ZNF722: variants seen among roughly 807,000 people sequenced by gnomAD.
The protein encoded by ZNF722 is zinc finger protein 722, also known as zinc finger protein 479 pseudogene.
the ZNF722 span, among the ~76,000 whole-genome samples, chr7:64,009,373 G>A: frequency 9.9e-5 from 15 of 152,284 alleles, no homozygotes; most frequent in Non-Finnish European, 1.9e-4. Context: ...GATACTTTCT[G>A]TGGGTTTGTC....
the ZNF722 span, chr7:64,015,721 A>C: frequency 6.2e-7 from 1 of 1,613,858 alleles, no homozygotes; most frequent in Non-Finnish European, 8.5e-7. Context: ...AAGAGAATTC[A>C]TACTGGAGAG....
the ZNF722 span, among the ~76,000 whole-genome samples, chr7:64,000,233 C>T: frequency 2.0e-5 from 3 of 150,412 alleles, no homozygotes; most frequent in Non-Finnish European, 3.0e-5. Flanking sequence ...CATGTTCATG[C>T]GATTCTCCTG....
the ZNF722 span, among the ~76,000 whole-genome samples, chr7:64,007,230 G>GTGTGTATA: frequency 8.7e-5 from 12 of 138,502 alleles, no homozygotes; most frequent in South Asian, 2.2e-4. Flanking sequence ...GTTTGTGTGT[G>GTGTGTATA]TATATATATA....
At chr7:64,016,045 G>T in the ZNF722 span, 2 of 710,840 alleles carry the variant, frequency 2.8e-6, no homozygotes, top group Non-Finnish European at 2.2e-6. Context: ...GAAAATAAGA[G>T]AATCCATATT....
At chr7:64,001,292 T>C in the ZNF722 span, among the ~76,000 whole-genome samples, 2 of 152,202 alleles carry the variant, frequency 1.3e-5, no homozygotes, top group South Asian at 2.1e-4. Context: ...CTCTTATCTG[T>C]GTCCACGTGT....
the ZNF722 span, chr7:64,006,415 C>A: frequency 1.2e-6 from 1 of 863,152 alleles, no homozygotes; most frequent in Non-Finnish European, 1.7e-6. Context: ...AGCTGTGCTT[C>A]GATGGAAAGA....
the ZNF722 span, among the ~76,000 whole-genome samples, chr7:64,009,738 A>G: frequency 2.0e-5 from 3 of 152,194 alleles, no homozygotes; most frequent in Non-Finnish European, 4.4e-5. Flanking sequence ...CTTTGGTATC[A>G]GGATGATGTT....
At chr7:64,015,702 A>C in the ZNF722 span, 1 of 1,613,774 alleles carries the variant, frequency 6.2e-7, no homozygotes, top group Non-Finnish European at 8.5e-7. Flanking sequence ...CTCAACCCTC[A>C]ATGACCACAA....
the ZNF722 span, among the ~76,000 whole-genome samples, chr7:64,014,724 T>C: frequency 6.6e-6 from 1 of 152,220 alleles, no homozygotes; most frequent in Non-Finnish European, 1.5e-5. Flanking sequence ...AAAGACACCA[T>C]GTTCTTCTAC....
At chr7:64,009,271 C>G in the ZNF722 span, among the ~76,000 whole-genome samples, 5 of 152,164 alleles carry the variant, frequency 3.3e-5, no homozygotes, top group African/African-American at 1.2e-4. Flanking sequence ...GCCAGAACTT[C>G]CAACACTATG....
At chr7:64,017,772 A>G in the ZNF722 span, among the ~76,000 whole-genome samples, 1 of 152,362 alleles carries the variant, frequency 6.6e-6, no homozygotes, top group East Asian at 1.9e-4. Flanking sequence ...AGAGTGTTGA[A>G]TGTAAAAGAG....
At chr7:63,999,068 G>A in the ZNF722 span, 1 of 1,512,352 alleles carries the variant, frequency 6.6e-7, no homozygotes. Context: ...GTGGCTTGTA[G>A]CAGGACCCAA....
the ZNF722 span, among the ~76,000 whole-genome samples, chr7:64,000,094 T>C: frequency 6.8e-6 from 1 of 147,042 alleles, no homozygotes; most frequent in Non-Finnish European, 1.5e-5. Flanking sequence ...ATTTTTACAC[T>C]GCAAAGGAAA....
chr7:63,999,050 G>C, the ZNF722 span: 14 of 1,548,560 alleles, frequency 9.0e-6, no homozygotes, highest in Middle Eastern at 3.5e-4. Flanking sequence ...GGTTGGAACC[G>C]GCTGAAAGTG....
the ZNF722 span, among the ~76,000 whole-genome samples, chr7:64,010,579 C>T: frequency 6.6e-6 from 1 of 152,126 alleles, no homozygotes; most frequent in African/African-American, 2.4e-5. Flanking sequence ...ATCCTGAGTT[C>T]TAATTTGATT....
At chr7:64,004,239 GAA>G in the ZNF722 span, among the ~76,000 whole-genome samples, 4 of 136,052 alleles carry the variant, frequency 2.9e-5, no homozygotes, top group African/African-American at 5.4e-5. Flanking sequence ...CGTCTCTACG[GAA>G]AAAAAAAAAA....
At chr7:64,010,032 A>C in the ZNF722 span, among the ~76,000 whole-genome samples, 1 of 152,028 alleles carries the variant, frequency 6.6e-6, no homozygotes, top group African/African-American at 2.4e-5. Flanking sequence ...ATTTGTGTAG[A>C]GGTGTTTATA....
At chr7:64,003,816 A>G in the ZNF722 span, among the ~76,000 whole-genome samples, 1 of 152,196 alleles carries the variant, frequency 6.6e-6, no homozygotes, top group Non-Finnish European at 1.5e-5. Flanking sequence ...AGGTGTAAAT[A>G]CTCAAGATTT....
chr7:64,006,416 G>A, the ZNF722 span: 9 of 846,428 alleles, frequency 1.1e-5, no homozygotes, highest in Admixed American at 3.1e-5. Context: ...GCTGTGCTTC[G>A]ATGGAAAGAG....
Sources: gnomAD v4.1 joint callset for allele counts (sites outside exome capture counted in the v4.1 genomes callset) on GRCh38, gnomAD v4.1.1 for gene constraint, MANE v1.5 for transcripts, NCBI Gene and HGNC (gene_info 2026-07-23, HGNC 2026-07-21) for gene names.